ANKS1B: variants seen among roughly 807,000 people sequenced by gnomAD.
The protein encoded by ANKS1B is ankyrin repeat and sterile alpha motif domain-containing protein 1B.
A neutral mutation model predicts 148.3 loss-of-function variants in ANKS1B; 36 were observed. The observed-to-expected ratio is 0.24, with a 90% CI of 0.19 to 0.32. The LOEUF is 0.32. Ranked by LOEUF, ANKS1B falls within the 10% of genes least tolerant of loss-of-function variation. ANKS1B has a pLI of 1.00. For synonymous variants in ANKS1B, 542 were observed against 560.8 expected (o/e 0.97, Z 0.47); for missense variants, 1,157 against 1,542.6 (o/e 0.75, Z 4.19).
chr12:99,861,739 A>G (rs553414704), intron 1 of ANKS1B, among the ~76,000 whole-genome samples: 36 of 152,242 alleles, frequency 2.4e-4, no homozygotes, highest in Non-Finnish European at 1.6e-4. Flanking sequence ...TGGTTTAACC[A>G]TGAACAACAA....
intron 1 of ANKS1B, among the ~76,000 whole-genome samples, chr12:99,830,402 T>A (rs1565815228): frequency 6.6e-6 from 1 of 152,092 alleles, no homozygotes; most frequent in Non-Finnish European, 1.5e-5. Context: ...CTATGGAATA[T>A]TTTACGGAAA....
At chr12:98,781,016 T>C in intron 24 of ANKS1B, 101 bp downstream of exon 24, 1 of 693,316 alleles carries the variant, frequency 1.4e-6, no homozygotes, top group Non-Finnish European at 2.4e-6. Context: ...AAAGGGATGA[T>C]TACAGTGGGG....
At chr12:99,501,560 A>G (rs1002242679) in intron 10 of ANKS1B, among the ~76,000 whole-genome samples, 8 of 152,134 alleles carry the variant, frequency 5.3e-5, no homozygotes, top group Non-Finnish European at 1.2e-4. Context: ...GCTCACAAAA[A>G]ATCATCTTTC....
intron 15 of ANKS1B, among the ~76,000 whole-genome samples, chr12:99,128,910 A>G (rs1487932940): frequency 6.6e-6 from 1 of 152,218 alleles, no homozygotes; most frequent in Non-Finnish European, 1.5e-5. Flanking sequence ...TGGAGAATAG[A>G]GCCACTCTTT....
intron 8 of ANKS1B, among the ~76,000 whole-genome samples, chr12:99,766,179 T>C (rs533742032): frequency 6.6e-6 from 1 of 152,296 alleles, no homozygotes; most frequent in East Asian, 1.9e-4. Flanking sequence ...ATTTATTCAG[T>C]CAATGAACTT....
At chr12:98,893,694 C>G (rs1256367425) in intron 17 of ANKS1B, 1 of 152,248 alleles carries the variant, frequency 6.6e-6, no homozygotes, top group Non-Finnish European at 1.5e-5. Context: ...ACGTGCCCGG[C>G]GCACATAAGC....
At chr12:99,433,640 G>C (rs2095414339) in intron 11 of ANKS1B, among the ~76,000 whole-genome samples, 1 of 152,160 alleles carries the variant, frequency 6.6e-6, no homozygotes, top group African/African-American at 2.4e-5. Context: ...TGCTATATAA[G>C]TTAAGTTTAA....
At chr12:99,561,686 C>T (rs564183647) in intron 9 of ANKS1B, among the ~76,000 whole-genome samples, 35 of 152,236 alleles carry the variant, frequency 2.3e-4, no homozygotes, top group African/African-American at 7.2e-4. Context: ...CAATCAGTCC[C>T]ATCTACAGGC....
intron 14 of ANKS1B, among the ~76,000 whole-genome samples, chr12:99,172,431 G>A (rs1015241468): frequency 1.3e-5 from 2 of 152,166 alleles, no homozygotes; most frequent in Non-Finnish European, 2.9e-5. Context: ...TTCTCTTAAA[G>A]AGCAAATAGA....
At chr12:99,734,965 A>G (rs1223744736) in intron 8 of ANKS1B, among the ~76,000 whole-genome samples, 1 of 152,086 alleles carries the variant, frequency 6.6e-6, no homozygotes, top group Non-Finnish European at 1.5e-5. Flanking sequence ...TATGTTCTCT[A>G]TTATGGTTAC....
intron 14 of ANKS1B, among the ~76,000 whole-genome samples, chr12:99,199,620 T>C (rs1230410781): frequency 6.6e-6 from 1 of 152,172 alleles, no homozygotes; most frequent in African/African-American, 2.4e-5. Flanking sequence ...ATTTCCAATG[T>C]GCCCTTAGAA....
At chr12:99,867,495 G>A (rs562754432) in intron 1 of ANKS1B, among the ~76,000 whole-genome samples, 54 of 152,272 alleles carry the variant, frequency 3.5e-4, no homozygotes, top group Admixed American at 1.2e-3. Flanking sequence ...CATGGTAGAG[G>A]GCGAAAGGCA....
chr12:99,913,745 T>C (rs7138599), intron 1 of ANKS1B, among the ~76,000 whole-genome samples: 91,849 of 151,556 alleles, frequency 0.61, 28,956 homozygotes, highest in Middle Eastern at 0.7. Flanking sequence ...TTGGAAAAGT[T>C]TGGAAAATTT....
At chr12:99,139,535 T>A (rs988316767) in intron 15 of ANKS1B, among the ~76,000 whole-genome samples, 1 of 141,480 alleles carries the variant, frequency 7.1e-6, no homozygotes, top group African/African-American at 2.7e-5. Flanking sequence ...GATTCAGCCT[T>A]CCAAACTGGC....
chr12:99,898,622 C>T (rs1481123113), intron 1 of ANKS1B, among the ~76,000 whole-genome samples: 1 of 152,156 alleles, frequency 6.6e-6, no homozygotes, highest in Non-Finnish European at 1.5e-5. Context: ...TTCCATGACC[C>T]TATCTGTTTT....
chr12:99,287,327 A>G (rs1231644786), intron 12 of ANKS1B, among the ~76,000 whole-genome samples: 1 of 152,230 alleles, frequency 6.6e-6, no homozygotes, highest in Non-Finnish European at 1.5e-5. Context: ...CAAGTCTGTA[A>G]GAGTCCCAGT....
intron 12 of ANKS1B, among the ~76,000 whole-genome samples, chr12:99,375,531 A>G (rs1002461909): frequency 7.2e-5 from 11 of 152,234 alleles, no homozygotes; most frequent in African/African-American, 2.4e-4. Context: ...TAAAAACTCA[A>G]CAAAGTAATC....
At position 99,575,320 on chromosome 12, in the gene ANKS1B, C is replaced by G. The variant is rs1034117086; in HGVS notation, c.1273-70679G>C. 1.7e-4 allele frequency among the ~76,000 whole-genome samples: 26 copies of G among 152,156 alleles called. 1 individual carries two copies. The highest frequency in any genetic ancestry group is 6.0e-4 in the African/African-American group (25 of 41,546). ...TTCATACGTGAAGGAGAAATATGATCCTTTCCAGACAAGCAAATGATAAGG... is the reference window on the plus strand; with the variant it reads ...TTCATACGTGAAGGAGAAATATGATGCTTTCCAGACAAGCAAATGATAAGG... On this transcript the variant is annotated intron_variant, in intron 9 of 26. Transcript: ENST00000683438.
At chr12:99,280,873 TC>T (rs2078336487) in intron 12 of ANKS1B, among the ~76,000 whole-genome samples, 1 of 142,296 alleles carries the variant, frequency 7.0e-6, no homozygotes, top group African/African-American at 2.5e-5. Flanking sequence ...TCTGTCTGTC[TC>T]TCTCTCTCTC....
Sources: gnomAD v4.1 joint callset for allele counts (sites outside exome capture counted in the v4.1 genomes callset) on GRCh38, gnomAD v4.1.1 for gene constraint, MANE v1.5 for transcripts, NCBI Gene and HGNC (gene_info 2026-07-23, HGNC 2026-07-21) for gene names.